POC1A: variants seen among roughly 807,000 people sequenced by gnomAD.
POC1A encodes POC1 centriolar protein homolog A.
A neutral mutation model predicts 47.8 loss-of-function variants in POC1A; 34 were observed. The observed-to-expected ratio is 0.71, with a 90% CI of 0.54 to 0.95. POC1A has a LOEUF of 0.95. POC1A is among the 40% of genes least tolerant of loss of function. The pLI, the probability that POC1A is intolerant of heterozygous loss-of-function variation, is 0.00. For synonymous variants in POC1A, 177 were observed against 207.6 expected (o/e 0.85, Z 1.27); for missense variants, 466 against 528.3 (o/e 0.88, Z 1.16).
At chr3:52,086,081 C>T (rs560875788) in intron 10 of POC1A, among the ~76,000 whole-genome samples, 3 of 152,252 alleles carry the variant, frequency 2.0e-5, no homozygotes, top group East Asian at 1.9e-4. Context: ...ACTCACTTCC[C>T]GGGTTGTGGT....
chr3:52,152,642 G>A (rs951324280), intron 1 of POC1A, among the ~76,000 whole-genome samples: 1 of 152,032 alleles, frequency 6.6e-6, no homozygotes, highest in African/African-American at 2.4e-5. Flanking sequence ...GTTAGCAAAT[G>A]ACCCAGCAAT....
At chr3:52,153,618 A>T (rs1698625207) in intron 1 of POC1A, among the ~76,000 whole-genome samples, 1 of 152,232 alleles carries the variant, frequency 6.6e-6, no homozygotes, top group Middle Eastern at 3.2e-3. Context: ...ACCCCTGACC[A>T]GTAGGTCCCA....
intron 7 of POC1A, among the ~76,000 whole-genome samples, chr3:52,127,868 A>C (rs1203172905): frequency 2.0e-5 from 3 of 151,728 alleles, no homozygotes; most frequent in Non-Finnish European, 4.4e-5. Flanking sequence ...GCTAATTTTT[A>C]TATTTTTAGT....
At chr3:52,150,361 T>G (rs1032767454) in intron 2 of POC1A, among the ~76,000 whole-genome samples, 8 of 152,042 alleles carry the variant, frequency 5.3e-5, no homozygotes, top group Non-Finnish European at 1.0e-4. Context: ...CCCCTCCCAT[T>G]GAGAGGGCCC....
Position 52,075,929 on chromosome 3 carries a change from A to G in POC1A, c.1182T>C (p.Cys394=). ...GCATGATTAGCTGCTGGTTCTCCAGACACTGCTTCAGCTTGTCTTCTGTCA... is the reference window on the plus strand; with the variant it reads ...GCATGATTAGCTGCTGGTTCTCCAGGCACTGCTTCAGCTTGTCTTCTGTCA... ...LTLTEDKLKQ[C]LENQQLIMQR... The change falls in exon 11 of 11, where the codon TGT becomes TGC. Residue 394 remains cysteine (C), a synonymous_variant. Coordinates refer to ENST00000296484, the MANE Select transcript of POC1A (RefSeq NM_015426.5). 1 of 1,614,058 alleles carries G rather than the reference A, an allele frequency of 6.2e-7. No individual in the cohort carries two copies. Among genetic ancestry groups the G allele is most frequent in the Non-Finnish European group, 8.5e-7 (1 of 1,179,934 alleles).
Position 52,138,275 on chromosome 3 carries a change from G to A in POC1A, c.707C>T (p.Ser236Phe), listed in dbSNP as rs941406258. Reference sequence around the variant, plus strand: ...CAGGTAGTTTCCCGACGGGTGGAAAGAGAGCCCGTTCACTGCTGCACTGTG... The same window carrying A: ...CAGGTAGTTTCCCGACGGGTGGAAAAAGAGCCCGTTCACTGCTGCACTGTG... Reference protein sequence around the residue: ...QLHSAAVNGLSFHPSGNYLIT... With the variant: ...QLHSAAVNGLFFHPSGNYLIT... The change falls in exon 7 of 11, where the codon TCT (serine) becomes TTT (phenylalanine). Residue 236 changes from serine to phenylalanine, a missense_variant. Ser to Phe is a radical substitution (Grantham distance 155, BLOSUM62 -2). Coordinates refer to ENST00000296484, the MANE Select transcript of POC1A (RefSeq NM_015426.5). 4 of 1,613,746 alleles carry A rather than the reference G, an allele frequency of 2.5e-6. No homozygotes were observed. The highest frequency in any genetic ancestry group is 3.3e-5 in the Admixed American group (2 of 59,972).
intron 9 of POC1A, among the ~76,000 whole-genome samples, chr3:52,107,457 C>G (rs1703227021): frequency 6.6e-6 from 1 of 152,236 alleles, no homozygotes; most frequent in Admixed American, 6.5e-5. Context: ...AGCAGGCAAC[C>G]CGCCCTGCCC....
intron 10 of POC1A, among the ~76,000 whole-genome samples, chr3:52,078,580 G>A (rs1320025571): frequency 3.4e-5 from 5 of 146,964 alleles, no homozygotes; most frequent in African/African-American, 1.3e-4. Context: ...GCGCGATCTC[G>A]GCTCACGACA....
Position 52,149,365 on chromosome 3 carries a change from A to G in POC1A, c.300T>C (p.Arg100=), listed in dbSNP as rs768117886. ...PNVKGESTVF[R]AHTATVRSVH... ...CACTCCTCACTGTGGCTGTGTGTGC[A>G]CGAAACACAGTGGACTCACCTTTGC... is the stretch of plus-strand genomic sequence containing the variant. Residue 100 remains arginine (R), a synonymous_variant, in exon 4 of 11, where the codon CGT becomes CGC. Transcript: ENST00000296484. 6.2e-7 allele frequency: 1 copy of G among 1,614,168 alleles called. No homozygotes were observed. Among genetic ancestry groups the G allele is most frequent in the East Asian group, 2.2e-5 (1 of 44,884 alleles).
intron 9 of POC1A, among the ~76,000 whole-genome samples, chr3:52,104,032 T>C (rs1330820328): frequency 6.6e-6 from 1 of 152,200 alleles, no homozygotes; most frequent in Non-Finnish European, 1.5e-5. Context: ...TAGAAAAATA[T>C]GTACATGAAC....
chr3:52,136,502 G>A (rs138678382), intron 7 of POC1A, among the ~76,000 whole-genome samples: 119 of 152,314 alleles, frequency 7.8e-4, no homozygotes, highest in African/African-American at 2.7e-3. Context: ...GCCCAGCCCC[G>A]TGAGCTAGAG....
intron 1 of POC1A, among the ~76,000 whole-genome samples, chr3:52,151,887 C>A (rs1325901107): frequency 2.7e-5 from 4 of 150,064 alleles, no homozygotes; most frequent in African/African-American, 9.9e-5. Context: ...ATGCAAGACA[C>A]CCAGAAAAAA....
At chr3:52,094,800 G>C (rs539060102) in intron 10 of POC1A, among the ~76,000 whole-genome samples, 61 of 152,238 alleles carry the variant, frequency 4.0e-4, no homozygotes, top group Non-Finnish European at 8.4e-4. Context: ...ATTTGCAAAG[G>C]GGCTGAATGG....
Position 52,141,779 on chromosome 3 carries a change from A to G in POC1A, c.680-3477T>C, listed in dbSNP as rs1698202098. On this transcript the variant is annotated intron_variant, in intron 6 of 10. Transcript: ENST00000296484. ...CGAGGTGGGAGGACTGCTTGAGCTC[A>G]GGAGTTCAAGACCAGCCTGGGAAAT... Among the ~76,000 whole-genome samples, 3 of 152,064 alleles carry G rather than the reference A, an allele frequency of 2.0e-5. No individual in the cohort carries two copies. In the South Asian group the frequency reaches 6.2e-4, roughly 32 times the overall value.
At position 52,084,700 on chromosome 3, in the gene POC1A, G is replaced by C. The variant is rs925372752; in HGVS notation, c.1126-8715C>G. Among the ~76,000 whole-genome samples the C allele has an allele frequency of 2.6e-5, 4 of 152,210 alleles. No individual in the cohort carries two copies. Among genetic ancestry groups the C allele is most frequent in the Non-Finnish European group, 5.9e-5 (4 of 68,032 alleles). On this transcript the variant is annotated intron_variant, in intron 10 of 10. Coordinates refer to ENST00000296484, the MANE Select transcript of POC1A (RefSeq NM_015426.5). This position sits in a 1 kb window ranked among gnomAD's most constrained non-coding sequence, Gnocchi z 4.3. ...TCTGGGGCAGCCCCTCTTCCCAGGGGCCTCCTGCTCACCTTGGCCAGGGCC... is the reference window on the plus strand; with the variant it reads ...TCTGGGGCAGCCCCTCTTCCCAGGGCCCTCCTGCTCACCTTGGCCAGGGCC...
chr3:52,146,748 G>A (rs1182850001), intron 5 of POC1A, among the ~76,000 whole-genome samples: 2 of 152,218 alleles, frequency 1.3e-5, no homozygotes, highest in East Asian at 3.9e-4. Flanking sequence ...CCAAAGAATT[G>A]CATGGCTTGA....
intron 9 of POC1A, among the ~76,000 whole-genome samples, chr3:52,102,502 C>T (rs1196124630): frequency 6.6e-6 from 1 of 152,186 alleles, no homozygotes; most frequent in African/African-American, 2.4e-5. Context: ...TTCTGTGTGG[C>T]TCTTCTAAGG....
chr3:52,080,385 A>C (rs1417938927), intron 10 of POC1A, among the ~76,000 whole-genome samples: 1 of 152,172 alleles, frequency 6.6e-6, no homozygotes, highest in Non-Finnish European at 1.5e-5. Flanking sequence ...GTCCTCACCC[A>C]GCAGCAGCAC....
At chr3:52,142,910 T>C (rs903962637) in intron 6 of POC1A, among the ~76,000 whole-genome samples, 3 of 152,040 alleles carry the variant, frequency 2.0e-5, no homozygotes, top group African/African-American at 7.3e-5. Context: ...CCTGGCCATG[T>C]CCTCCCGTCA....
Sources: gnomAD v4.1 joint callset for allele counts (sites outside exome capture counted in the v4.1 genomes callset) on GRCh38, gnomAD v4.1.1 for gene constraint, Gnocchi (gnomAD v3.1) non-coding constraint, MANE v1.5 for transcripts, NCBI Gene and HGNC (gene_info 2026-07-23, HGNC 2026-07-21) for gene names.